Variants in ABCA8 observed in about 807,000 individuals in gnomAD.
ABCA8 encodes ATP binding cassette subfamily A member 8.
Under a neutral mutation model 192.3 loss-of-function variants are expected in ABCA8, and 177 were observed. The observed-to-expected ratio is 0.92, with a 90% CI of 0.81 to 1.04. ABCA8 has a LOEUF of 1.04. Ranked by LOEUF, ABCA8 falls within the 50% of genes least tolerant of loss-of-function variation. The pLI is 0.00. For missense variants in ABCA8, 1,915 were observed against 1,904.8 expected, an observed-to-expected ratio of 1.01 and a Z score of -0.10; for synonymous variants, 642 against 690.2, an observed-to-expected ratio of 0.93 and a Z score of 1.09.
chr17:68,887,913 TATATATATATATTATATATGG>T (rs1567830592), intron 24 of ABCA8, among the ~76,000 whole-genome samples: 2 of 60,358 alleles, frequency 3.3e-5, no homozygotes, highest in African/African-American at 1.6e-4. Flanking sequence ...TATATCCATA[TATATATATATATTATATATGG>T]ATATATATAT....
chr17:68,945,814 TGTGTGTGC>T (rs1247329676), intron 2 of ABCA8, among the ~76,000 whole-genome samples: 3 of 152,110 alleles, frequency 2.0e-5, no homozygotes, highest in Non-Finnish European at 4.4e-5. Context: ...TGTATATGTG[TGTGTGTGC>T]GCATATGTAT....
chr17:68,893,337 C>G (rs1039538714), intron 23 of ABCA8, among the ~76,000 whole-genome samples: 1 of 152,166 alleles, frequency 6.6e-6, no homozygotes, highest in Non-Finnish European at 1.5e-5. Context: ...ACTTAAAGGG[C>G]TATATACATT....
At chr17:68,947,620 G>A (rs532458935) in intron 2 of ABCA8, among the ~76,000 whole-genome samples, 2 of 152,044 alleles carry the variant, frequency 1.3e-5, no homozygotes, top group Non-Finnish European at 2.9e-5. Flanking sequence ...GTTAACGAAG[G>A]TTCAATTAAT....
rs370242984 is a variant in ABCA8, at chr17:68,936,979, T to C, written c.438A>G (p.Pro146=). 6.7e-5 allele frequency: 108 copies of C among 1,602,866 alleles called. No individual in the cohort carries two copies. Among genetic ancestry groups the C allele is most frequent in the Non-Finnish European group, 8.8e-5 (103 of 1,176,386 alleles). Residue 146 remains proline (P), a synonymous_variant, in exon 5 of 40, where the codon CCA becomes CCG. Transcript: ENST00000586539. ...TATGGTCCTTGTGCTCCTTCTTTGC[T>C]GGCATTCCATGTCCTAGCAAGAACT... The part of the protein sequence containing the change: ...HLKFLLGHGM[P]AKKEHKDHTA...
chr17:68,887,917 T>TGG lies in ABCA8; in HGVS notation c.3145-412_3145-411insCC, dbSNP rs1567830624. ...ATATATATATATATATCCATATATA[T>TGG]ATATATATTATATATGGATATATAT... On this transcript the variant is annotated intron_variant, in intron 24 of 39. Transcript: ENST00000586539. Among the ~76,000 whole-genome samples the TGG allele has an allele frequency of 1.2e-3, 56 of 48,566 alleles. 6 individuals are homozygous for TGG. Among genetic ancestry groups the TGG allele is most frequent in the African/African-American group, 5.4e-3 (36 of 6,720 alleles). 31.9% of individuals were successfully genotyped at this position (48,566 alleles called of 152,430 possible).
chr17:68,884,514 G>C, intron 27 of ABCA8, 118 bp from the exon 28 acceptor site: 1 of 1,391,896 alleles, frequency 7.2e-7, no homozygotes, highest in South Asian at 1.9e-5. Context: ...TATCACCTAA[G>C]TGTCCTTTCT....
chr17:68,911,686 G>C lies in ABCA8; in HGVS notation c.2139-3807C>G, dbSNP rs1346156074. ...ACCCAGCATAATCCTAGTGGTGGTG[G>C]CCACAGGGGTGCTTGTGTCACCCCT... On this transcript the variant is annotated intron_variant, in intron 17 of 39. Transcript: ENST00000586539. This position sits in a 1 kb window ranked among gnomAD's most constrained non-coding sequence, Gnocchi z 5.7. Among the ~76,000 whole-genome samples, 1 of 151,570 alleles carries C rather than the reference G, an allele frequency of 6.6e-6. No homozygotes were observed. Among genetic ancestry groups the C allele is most frequent in the African/African-American group, 2.4e-5 (1 of 41,210 alleles).
chr17:68,954,992 A>T (rs976519314), intron 1 of ABCA8, among the ~76,000 whole-genome samples: 1 of 152,210 alleles, frequency 6.6e-6, no homozygotes, highest in Non-Finnish European at 1.5e-5. Flanking sequence ...TTTTTAAAAA[A>T]CATTCTAACT....
chr17:68,942,292 A>C (rs1405159675), intron 2 of ABCA8, among the ~76,000 whole-genome samples: 1 of 151,926 alleles, frequency 6.6e-6, no homozygotes, highest in Non-Finnish European at 1.5e-5. Context: ...CCCTAAATTC[A>C]CTCTGCATAG....
chr17:68,868,066 G>T lies in ABCA8; in HGVS notation c.*19C>A. On this transcript the variant is annotated 3_prime_UTR_variant, in exon 40 of 40. Transcript: ENST00000586539. ...TAAAAAAAACCACGGGTTTAAACAG[G>T]AACACAGAATTTGGGGTTTTAAGGC... 6.4e-7 allele frequency: 1 copy of T among 1,568,740 alleles called. No homozygotes were observed.
intron 19 of ABCA8, among the ~76,000 whole-genome samples, chr17:68,904,200 T>C (rs972309885): frequency 6.6e-6 from 1 of 151,578 alleles, no homozygotes; most frequent in Non-Finnish European, 1.5e-5. Context: ...GAGAATGGCG[T>C]GAACCCGGGA....
intron 17 of ABCA8, among the ~76,000 whole-genome samples, chr17:68,914,240 A>G (rs184746155): frequency 1.2e-3 from 190 of 152,226 alleles, no homozygotes; most frequent in African/African-American, 4.5e-3. Flanking sequence ...GGAACACAAC[A>G]ATGATGCCCA....
At chr17:68,897,875 T>C (rs1598218437) in intron 21 of ABCA8, among the ~76,000 whole-genome samples, 1 of 152,094 alleles carries the variant, frequency 6.6e-6, no homozygotes, top group East Asian at 1.9e-4. Flanking sequence ...ATCACATTAT[T>C]TCATATGCAA....
At chr17:68,924,365 T>G (rs1227170046) in intron 11 of ABCA8, among the ~76,000 whole-genome samples, 1 of 143,520 alleles carries the variant, frequency 7.0e-6, no homozygotes, top group Non-Finnish European at 1.5e-5. Context: ...AAAAGGGAGA[T>G]AGATGAGGTG....
intron 1 of ABCA8, among the ~76,000 whole-genome samples, chr17:68,954,034 T>C (rs2068644352): frequency 6.6e-6 from 1 of 151,970 alleles, no homozygotes; most frequent in Non-Finnish European, 1.5e-5. Flanking sequence ...TTTCTTTTTT[T>C]TTTTTCGTTT....
intron 21 of ABCA8, among the ~76,000 whole-genome samples, chr17:68,899,202 A>G (rs1201792168): frequency 6.6e-6 from 1 of 152,118 alleles, no homozygotes; most frequent in Admixed American, 6.5e-5. Flanking sequence ...CATTCAGAAA[A>G]CAAACAATAA....
In ABCA8 at chr17:68,929,076, G is replaced by T. The variant is rs1307994066; in HGVS notation, c.1098C>A (p.Pro366=). 1.3e-6 allele frequency: 2 copies of T among 1,583,292 alleles called. No homozygotes were observed. The highest frequency in any genetic ancestry group is 1.7e-6 in the Non-Finnish European group (2 of 1,164,166). The change falls in exon 9 of 40, where the codon CCC becomes CCA. Residue 366 remains proline, a synonymous_variant. Coordinates refer to ENST00000586539, the MANE Select transcript of ABCA8 (RefSeq NM_001288985.2). ...SLEWILSLLS[P]FAFMLGMAQL... Reference sequence around the variant, plus strand: ...GGGCCATTCCAAGCATGAAGGCAAAGGGACTAAGCAAGCTTAAAATCCACT... The same window carrying T: ...GGGCCATTCCAAGCATGAAGGCAAATGGACTAAGCAAGCTTAAAATCCACT...
At chr17:68,893,754 A>G (rs1487353020) in intron 23 of ABCA8, among the ~76,000 whole-genome samples, 1 of 74,712 alleles carries the variant, frequency 1.3e-5, no homozygotes, top group African/African-American at 4.9e-5. Context: ...TTTTTATTAT[A>G]CTTTAGGTTT....
intron 17 of ABCA8, among the ~76,000 whole-genome samples, chr17:68,914,297 C>T (rs1188942541): frequency 1.3e-5 from 2 of 151,846 alleles, no homozygotes; most frequent in Non-Finnish European, 2.9e-5. Flanking sequence ...CTAGCTGTGG[C>T]AATCAGATAA....
Sources: gnomAD v4.1 joint callset for allele counts (sites outside exome capture counted in the v4.1 genomes callset) on GRCh38, gnomAD v4.1.1 for gene constraint, Gnocchi (gnomAD v3.1) non-coding constraint, MANE v1.5 for transcripts, NCBI Gene and HGNC (gene_info 2026-07-23, HGNC 2026-07-21) for gene names.